The following MIGA2 variants were observed in gnomAD, a reference collection of about 807,000 sequenced individuals.
MIGA2 encodes mitoguardin 2, also known as family with sequence similarity 73, member B.
Under a neutral mutation model 69.9 loss-of-function variants are expected in MIGA2, and 36 were observed. That is an observed-to-expected ratio of 0.52 (90% confidence interval 0.39 to 0.68). The LOEUF (loss-of-function observed/expected upper bound fraction) is 0.68. Ranked by LOEUF, MIGA2 falls within the 30% of genes least tolerant of loss-of-function variation. MIGA2 has a pLI of 0.00. For synonymous variants in MIGA2, 333 were observed against 349.2 expected (o/e 0.95, Z 0.52); for missense variants, 660 against 787.7 (o/e 0.84, Z 1.94).
At chr9:129,055,010 A>G (rs907231149) in intron 6 of MIGA2, among the ~76,000 whole-genome samples, 3 of 149,672 alleles carry the variant, frequency 2.0e-5, no homozygotes, top group African/African-American at 5.0e-5. Context: ...TCCTGCCTCA[A>G]CCTCCTAAGT....
chr9:129,038,229 C>T (rs1319449190), intron 1 of MIGA2, among the ~76,000 whole-genome samples: 1 of 152,188 alleles, frequency 6.6e-6, no homozygotes, highest in Non-Finnish European at 1.5e-5. Flanking sequence ...CCTGCCCTGC[C>T]CTCTCACACA....
chr9:129,065,582 T>G (rs1009588203), intron 11 of MIGA2, among the ~76,000 whole-genome samples: 1 of 152,056 alleles, frequency 6.6e-6, no homozygotes, highest in African/African-American at 2.4e-5. Context: ...ACTCCTGACC[T>G]TAGGTGATCC....
intron 6 of MIGA2, among the ~76,000 whole-genome samples, chr9:129,052,069 G>T (rs956894375): frequency 6.6e-6 from 1 of 151,566 alleles, no homozygotes; most frequent in African/African-American, 2.4e-5. Context: ...CTCGTGATCC[G>T]CCCGCCTCGG....
rs765351158 is a variant in MIGA2, at chr9:129,070,027, G to A, written c.1575+62G>A. On this transcript the variant is annotated intron_variant, in intron 15 of 15. Transcript: ENST00000684074. The stretch of plus-strand genomic sequence containing the variant: ...TGCCCTGAGCACAGGCGCCCTGGGA[G>A]GTGCCAGGAATGGGATGAGGGCCTG... The A allele has an allele frequency of 2.2e-4, 304 of 1,406,222 alleles. 5 individuals carry two copies. The highest frequency in any genetic ancestry group is 6.4e-5 in the Non-Finnish European group (66 of 1,028,120). The allele number at this position is 1,406,222 out of a possible 1,614,324, so 87.1% of individuals were successfully genotyped here. A position where few individuals can be genotyped will look rare whatever the true frequency, so the allele number is the denominator to read the frequency against.
At chr9:129,039,709 C>A in intron 1 of MIGA2, 1 of 156,494 alleles carries the variant, frequency 6.4e-6, no homozygotes, top group Non-Finnish European at 1.3e-5. Context: ...CAGGTGTGCA[C>A]CACCACGCCC....
chr9:129,070,220 G>C, intron 15 of MIGA2, 27 bp from the exon 16 acceptor site: 1 of 1,603,936 alleles, frequency 6.2e-7, no homozygotes, highest in South Asian at 1.1e-5. Context: ...GGCTGGGCCA[G>C]GCCTGACACC....
At chr9:129,066,959 C>CAA (rs1215441028) in intron 11 of MIGA2, among the ~76,000 whole-genome samples, 2 of 32,132 alleles carry the variant, frequency 6.2e-5, no homozygotes, top group Non-Finnish European at 1.1e-4. Flanking sequence ...GACTCTGTCT[C>CAA]AAAAAAAAAA....
chr9:129,046,699 G>A (rs939279968), intron 3 of MIGA2, among the ~76,000 whole-genome samples: 2 of 151,952 alleles, frequency 1.3e-5, no homozygotes, highest in East Asian at 1.9e-4. Context: ...TGCCCACTTC[G>A]TTCTCCCAAA....
chr9:129,049,834 G>C lies in MIGA2; in HGVS notation c.546G>C (p.Glu182Asp). The part of the protein sequence containing the change: ...NAESLYMQGM[E>D]LFEEALQKWE... Reference sequence around the variant, plus strand: ...CGCCTCACCTGTGCTCAGGCATGGAGCTGTTTGAGGAAGCTCTGCAGAAGT... The same window carrying C: ...CGCCTCACCTGTGCTCAGGCATGGACCTGTTTGAGGAAGCTCTGCAGAAGT... The change falls in exon 6 of 16, where the codon GAG becomes GAC. Residue 182 changes from glutamate (E) to aspartate (D), a missense_variant. Coordinates refer to ENST00000684074, the MANE Select transcript of MIGA2 (RefSeq NM_001329990.2). 6.2e-7 allele frequency: 1 copy of C among 1,614,132 alleles called. No individual in the cohort carries two copies. Among genetic ancestry groups the C allele is most frequent in the African/African-American group, 1.3e-5 (1 of 75,072 alleles).
rs772959430 is a variant in MIGA2 at position 129,069,564 on chromosome 9, C to T, written c.1459-285C>T. On this transcript the variant is annotated intron_variant, in intron 14 of 15. Coordinates refer to ENST00000684074, the MANE Select transcript of MIGA2 (RefSeq NM_001329990.2). The surrounding 1 kb of genome is among the most constrained non-coding windows in gnomAD (Gnocchi z 4.9). ...TTGTCGTTCCCCTCTGCGGGCCAGG[C>T]TCTGTTGCCTAGCTGATACCAGCTG... 4 of 539,010 alleles carry T rather than the reference C, an allele frequency of 7.4e-6. No homozygotes were observed. Among genetic ancestry groups the T allele is most frequent in the Non-Finnish European group, 1.0e-5 (3 of 297,984 alleles). 33.4% of individuals were successfully genotyped at this position (539,010 alleles called of 1,614,324 possible). A position where few individuals can be genotyped will look rare whatever the true frequency, so the allele number is the denominator to read the frequency against.
intron 1 of MIGA2, 84 bp downstream of exon 1, chr9:129,036,765 A>G: frequency 5.6e-6 from 1 of 180,020 alleles, no homozygotes; most frequent in Non-Finnish European, 1.2e-5. Context: ...GAGTAGGCGC[A>G]GGTGTCCGGG....
chr9:129,043,272 A>G (rs1309441489), intron 3 of MIGA2, among the ~76,000 whole-genome samples: 2 of 152,260 alleles, frequency 1.3e-5, no homozygotes, highest in South Asian at 4.1e-4. Flanking sequence ...TGTCTTTGAC[A>G]CATAGAGTCA....
intron 3 of MIGA2, among the ~76,000 whole-genome samples, chr9:129,046,072 C>T (rs1324356021): frequency 6.6e-6 from 1 of 152,008 alleles, no homozygotes; most frequent in Non-Finnish European, 1.5e-5. Context: ...CCAGGATGGT[C>T]TCCATCTCTT....
At chr9:129,048,822 TG>T (rs1318121758) in intron 4 of MIGA2, among the ~76,000 whole-genome samples, 5 of 152,194 alleles carry the variant, frequency 3.3e-5, no homozygotes, top group African/African-American at 1.2e-4. Flanking sequence ...GACAAGCACC[TG>T]CGTTATACCA....
chr9:129,070,069 C>T (rs933420940), intron 15 of MIGA2, 104 bp downstream of exon 15: 1 of 1,268,134 alleles, frequency 7.9e-7, no homozygotes, highest in African/African-American at 1.5e-5. Flanking sequence ...GGCCTGCTCC[C>T]AGAGAGAGGG....
At chr9:129,039,175 TTGTGTGTGTGTGTGTGTGTG>T (rs61426484) in intron 1 of MIGA2, among the ~76,000 whole-genome samples, 11 of 139,900 alleles carry the variant, frequency 7.9e-5, no homozygotes, top group African/African-American at 2.4e-4. Flanking sequence ...AGCTCTTTGT[TTGTGTGTGTGTGTGTGTGTG>T]TGTGTGTGTG....
intron 6 of MIGA2, among the ~76,000 whole-genome samples, chr9:129,050,706 G>T (rs147449559): frequency 6.6e-6 from 1 of 150,916 alleles, no homozygotes; most frequent in African/African-American, 2.4e-5. Context: ...TGAGTAGCTG[G>T]GATTACAGGT....
At chr9:129,063,434 C>T in intron 10 of MIGA2, 111 bp from the exon 11 acceptor site, 1 of 1,537,188 alleles carries the variant, frequency 6.5e-7, no homozygotes. Context: ...CCACACTGGG[C>T]TCCTCTGTGG....
rs915085599 is a variant in MIGA2 at position 129,060,261 on chromosome 9, G to A, written c.794-289G>A. 1.3e-5 allele frequency among the ~76,000 whole-genome samples: 2 copies of A among 152,178 alleles called. No homozygotes were observed. Among genetic ancestry groups the A allele is most frequent in the Admixed American group, 6.5e-5 (1 of 15,276 alleles). On this transcript the variant is annotated intron_variant, in intron 7 of 15. Coordinates refer to ENST00000684074, the MANE Select transcript of MIGA2 (RefSeq NM_001329990.2). This position sits in a 1 kb window ranked among gnomAD's most constrained non-coding sequence, Gnocchi z 4.8. ...TGGGCCTTCAGGCCTCAGGTCCAGC[G>A]GTGCAACCTGTGAGCCTGGCAGAGC...
Sources: gnomAD v4.1 joint callset for allele counts (sites outside exome capture counted in the v4.1 genomes callset) on GRCh38, gnomAD v4.1.1 for gene constraint, Gnocchi (gnomAD v3.1) non-coding constraint, MANE v1.5 for transcripts, NCBI Gene and HGNC (gene_info 2026-07-23, HGNC 2026-07-21) for gene names.